The following MTF2 variants were observed in gnomAD, a reference collection of about 807,000 sequenced individuals.
MTF2 encodes the protein metal response element binding transcription factor 2, also known as metal-response element-binding transcription factor 2.
Under a neutral mutation model 79.5 loss-of-function variants are expected in MTF2, and 11 were observed. That is an observed-to-expected ratio of 0.14 (90% CI 0.09 to 0.23). The LOEUF (loss-of-function observed/expected upper bound fraction) is 0.23. Ranked by LOEUF, MTF2 falls within the 10% of genes least tolerant of loss-of-function variation. The pLI is 1.00. For missense variants in MTF2, 486 were observed against 711.2 expected, an observed-to-expected ratio of 0.68 and a Z score of 3.60; for synonymous variants, 208 against 232.8, an observed-to-expected ratio of 0.89 and a Z score of 0.97.
chr1:93,115,640 A>G, intron 6 of MTF2, 22 bp downstream of exon 6: 2 of 1,492,020 alleles, frequency 1.3e-6, no homozygotes, highest in African/African-American at 2.8e-5. Flanking sequence ...CAGTTATGTA[A>G]TTCCCTTTAA....
chr1:93,137,127 A>C lies in MTF2; in HGVS notation c.*100A>C. On this transcript the variant is annotated 3_prime_UTR_variant, in exon 15 of 15. Transcript: ENST00000370298. ...CTTTTACTATCTTTCTTAAAAAAAA[A>C]AAAAAGTCAAAAAAATTCAAAAAAG... 1 of 1,021,974 alleles carries C rather than the reference A, an allele frequency of 9.8e-7. No homozygotes were observed. Among genetic ancestry groups the C allele is most frequent in the Non-Finnish European group, 1.4e-6 (1 of 714,678 alleles). 63.3% of individuals were successfully genotyped at this position (1,021,974 alleles called of 1,614,324 possible).
chr1:93,079,403 T>G lies in MTF2; in HGVS notation c.-124T>G. 4 of 1,224,432 alleles carry G rather than the reference T, an allele frequency of 3.3e-6. No individual in the cohort carries two copies. Among genetic ancestry groups the G allele is most frequent in the Non-Finnish European group, 4.8e-6 (4 of 833,796 alleles). The allele number at this position is 1,224,432 out of a possible 1,614,324, so 75.8% of individuals were successfully genotyped here. A position where few individuals can be genotyped will look rare whatever the true frequency, so the allele number is the denominator to read the frequency against. ...CCAAGGACCTCGGTTTGTGCGTGCA[T>G]ATGTGCCGGGTACCCGGTGGGGCGG... is the stretch of plus-strand genomic sequence containing the variant. On this transcript the variant is annotated 5_prime_UTR_variant, in exon 1 of 15. Transcript: ENST00000370298.
Position 93,120,665 on chromosome 1 carries a change from C to T in MTF2, c.914C>T (p.Pro305Leu). 5 of 1,607,026 alleles carry T rather than the reference C, an allele frequency of 3.1e-6. No homozygotes were observed. The highest frequency in any genetic ancestry group is 1.7e-4 in the Middle Eastern group (1 of 6,040). ...AATGAAAACTGGGATAGATTGCACC[C>T]TGGAGAGGTAGGTGGTCTGAGAACT... is the stretch of plus-strand genomic sequence containing the variant. The part of the protein sequence containing the change: ...YINENWDRLH[P>L]GELADTPKSE... The change falls in exon 9 of 15, where the codon CCT becomes CTT. Residue 305 changes from proline (P) to leucine (L), a missense_variant. Transcript: ENST00000370298.
intron 1 of MTF2, among the ~76,000 whole-genome samples, chr1:93,108,635 G>T (rs1655904072): frequency 7.9e-6 from 1 of 126,320 alleles, no homozygotes; most frequent in Non-Finnish European, 1.6e-5. Context: ...TTGCCTTTCA[G>T]CATTTTTACT....
intron 1 of MTF2, among the ~76,000 whole-genome samples, chr1:93,095,531 G>A (rs1393515230): frequency 6.6e-6 from 1 of 152,074 alleles, no homozygotes; most frequent in Non-Finnish European, 1.5e-5. Flanking sequence ...AGTAGAGACG[G>A]GATTTCACCA....
chr1:93,092,019 T>C (rs1255165675), intron 1 of MTF2, among the ~76,000 whole-genome samples: 1 of 152,208 alleles, frequency 6.6e-6, no homozygotes, highest in Non-Finnish European at 1.5e-5. Flanking sequence ...GGTAATTTTT[T>C]CCCCACCTTT....
At chr1:93,114,314 G>A (rs191789728) in intron 3 of MTF2, among the ~76,000 whole-genome samples, 89 of 152,248 alleles carry the variant, frequency 5.8e-4, no homozygotes, top group African/African-American at 2.1e-3. Flanking sequence ...GTATGTACAT[G>A]AATAGATAAG....
intron 1 of MTF2, among the ~76,000 whole-genome samples, chr1:93,093,337 G>A (rs1655150949): frequency 6.6e-6 from 1 of 151,978 alleles, no homozygotes; most frequent in South Asian, 2.1e-4. Context: ...TACATCTTCA[G>A]TTCCACAAAA....
rs1156252017 is a variant in MTF2 at position 93,138,024 on chromosome 1, C to T, written c.*997C>T. 6.6e-6 allele frequency: 1 copy of T among 152,106 alleles called. No individual in the cohort carries two copies. The highest frequency in any genetic ancestry group is 1.5e-5 in the Non-Finnish European group (1 of 68,002). 9.4% of individuals were successfully genotyped at this position (152,106 alleles called of 1,614,324 possible). A position where few individuals can be genotyped will look rare whatever the true frequency, so the allele number is the denominator to read the frequency against. On this transcript the variant is annotated 3_prime_UTR_variant, in exon 15 of 15. Coordinates refer to ENST00000370298, the MANE Select transcript of MTF2 (RefSeq NM_007358.4). ...TTTTTAACAGTAAGTCTATAGGAGT[C>T]CCGTGAAGATTCCTGAAATGTCTGT... is the stretch of plus-strand genomic sequence containing the variant.
intron 10 of MTF2, chr1:93,128,698 C>G (rs1271601057): frequency 6.6e-6 from 1 of 151,350 alleles, no homozygotes; most frequent in African/African-American, 2.4e-5. Context: ...AAAGAAAGGT[C>G]TAAGGAGCAT....
At chr1:93,123,316 T>C (rs1656564604) in intron 9 of MTF2, among the ~76,000 whole-genome samples, 1 of 147,544 alleles carries the variant, frequency 6.8e-6, no homozygotes, top group Admixed American at 6.9e-5. Flanking sequence ...GGTACAGTCA[T>C]ACATAGCTCA....
intron 3 of MTF2, among the ~76,000 whole-genome samples, chr1:93,111,176 C>T (rs765797046): frequency 4.6e-5 from 7 of 152,078 alleles, no homozygotes; most frequent in Non-Finnish European, 1.0e-4. Context: ...GTGATGATTT[C>T]TATTATTAGA....
chr1:93,108,036 A>C (rs569802577), intron 1 of MTF2, among the ~76,000 whole-genome samples: 1 of 152,198 alleles, frequency 6.6e-6, no homozygotes, highest in Admixed American at 6.5e-5. Context: ...AGCCTCCCAA[A>C]GTGCTGGGAT....
rs150883414 is a variant in MTF2, at chr1:93,094,028, G to A, written c.5+14497G>A. 1.2e-4 allele frequency among the ~76,000 whole-genome samples: 18 copies of A among 152,258 alleles called. No individual in the cohort carries two copies. The East Asian group carries it at 3.5e-3, about 29-fold the overall frequency. On this transcript the variant is annotated intron_variant, in intron 1 of 14. Coordinates refer to ENST00000370298, the MANE Select transcript of MTF2 (RefSeq NM_007358.4). ...TAATGATTATTATTCTCAGTCCCTT[G>A]TTAGTTGCCCTTTTATCTCTTTGTA...
intron 11 of MTF2, 68 bp downstream of exon 11, chr1:93,129,516 G>A: frequency 1.7e-6 from 2 of 1,166,652 alleles, no homozygotes; most frequent in East Asian, 2.7e-5. Flanking sequence ...ATGTTATTTA[G>A]TCTCCTTAGT....
chr1:93,090,511 G>A (rs1404619723), intron 1 of MTF2, among the ~76,000 whole-genome samples: 1 of 152,182 alleles, frequency 6.6e-6, no homozygotes, highest in African/African-American at 2.4e-5. Context: ...GCCTCCCAAA[G>A]TGCTGGGATT....
In MTF2 at chr1:93,115,565, A is replaced by G. The variant is rs1656217787; in HGVS notation, c.579A>G (p.Ala193=). 6.2e-7 allele frequency: 1 copy of G among 1,611,628 alleles called. No homozygotes were observed. The highest frequency in any genetic ancestry group is 1.3e-5 in the African/African-American group (1 of 74,898). The part of the protein sequence containing the change: ...PYSVADLEWD[A]GHKTNVQQCY... ...GTGTGGCAGACCTTGAATGGGATGC[A>G]GGTCATAAAACCAATGTCCAGCAGT... is the stretch of plus-strand genomic sequence containing the variant. Residue 193 remains alanine, a synonymous_variant, in exon 6 of 15, where the codon GCA becomes GCG. Transcript: ENST00000370298.
chr1:93,089,004 T>G (rs2101021963), intron 1 of MTF2, among the ~76,000 whole-genome samples: 1 of 152,350 alleles, frequency 6.6e-6, no homozygotes, highest in South Asian at 2.1e-4. Context: ...ACTGACTTTT[T>G]ATCGTACATT....
At chr1:93,086,993 C>T (rs574747603) in intron 1 of MTF2, among the ~76,000 whole-genome samples, 3 of 152,262 alleles carry the variant, frequency 2.0e-5, no homozygotes, top group African/African-American at 4.8e-5. Flanking sequence ...TTCATACACA[C>T]GTTGTATGCT....
Sources: gnomAD v4.1 joint callset for allele counts (sites outside exome capture counted in the v4.1 genomes callset) on GRCh38, gnomAD v4.1.1 for gene constraint, MANE v1.5 for transcripts, NCBI Gene and HGNC (gene_info 2026-07-23, HGNC 2026-07-21) for gene names.